The following PCDH15 variants were observed in gnomAD, a reference collection of about 807,000 sequenced individuals.
PCDH15 encodes the protein protocadherin-15.
A neutral mutation model predicts 178.5 loss-of-function variants in PCDH15; 129 were observed. The observed-to-expected ratio is 0.72, with a 90% CI of 0.63 to 0.84. PCDH15 has a LOEUF of 0.84. PCDH15 is among the 40% of genes least tolerant of loss of function. PCDH15 has a pLI of 0.00. For missense variants in PCDH15, 2,230 were observed against 2,099.9 expected (o/e 1.06, Z -1.21); for synonymous variants, 800 against 732.0 (o/e 1.09, Z -1.50).
chr10:55,541,065 T>C (rs1395658985), intron 2 of PCDH15, among the ~76,000 whole-genome samples: 1 of 152,074 alleles, frequency 6.6e-6, no homozygotes, highest in African/African-American at 2.4e-5. Flanking sequence ...TTGCAGAGAA[T>C]GGGTGCCTGA....
intron 3 of PCDH15, among the ~76,000 whole-genome samples, chr10:54,822,977 A>T (rs896618156): frequency 6.6e-6 from 1 of 151,856 alleles, no homozygotes; most frequent in Admixed American, 6.6e-5. Context: ...TGCCTCCAGG[A>T]TTCAAGAAAT....
At chr10:54,362,904 C>A (rs1190424882) in intron 5 of PCDH15, among the ~76,000 whole-genome samples, 1 of 151,920 alleles carries the variant, frequency 6.6e-6, no homozygotes, top group Non-Finnish European at 1.5e-5. Context: ...TGTCATTATT[C>A]TTGTTTTAAT....
intron 2 of PCDH15, among the ~76,000 whole-genome samples, chr10:55,459,254 A>G (rs1361549352): frequency 8.0e-5 from 11 of 137,314 alleles, no homozygotes; most frequent in Middle Eastern, 3.5e-3. Context: ...AGAAGGAAAG[A>G]AAAAAATAAA....
At chr10:54,580,077 C>G (rs572919751) in intron 2 of PCDH15, among the ~76,000 whole-genome samples, 1 of 151,942 alleles carries the variant, frequency 6.6e-6, no homozygotes, top group African/African-American at 2.4e-5. Context: ...GGAAAAGGAA[C>G]AATCTAAACC....
intron 5 of PCDH15, among the ~76,000 whole-genome samples, chr10:54,357,074 G>T (rs999183349): frequency 6.6e-6 from 1 of 152,032 alleles, no homozygotes; most frequent in African/African-American, 2.4e-5. Context: ...GGCAAAAACT[G>T]GAAGCATTCC....
At chr10:54,967,056 A>C (rs1838810836) in intron 2 of PCDH15, among the ~76,000 whole-genome samples, 1 of 152,260 alleles carries the variant, frequency 6.6e-6, no homozygotes, top group East Asian at 1.9e-4. Flanking sequence ...TGAGTCTGTG[A>C]GTGATGAGTG....
intron 32 of PCDH15, chr10:53,823,696 A>G (rs1222366065): frequency 2.2e-6 from 1 of 462,556 alleles, no homozygotes; most frequent in African/African-American, 2.4e-5. Context: ...TCCCTTATGC[A>G]CAAATCACAG....
In PCDH15 at chr10:55,488,836, C is replaced by G. The variant is rs995141084; in HGVS notation, c.-156+138789G>C. On this transcript the variant is annotated intron_variant, in intron 2 of 5. Transcript: ENST00000613346. ...CCTCATACTGGTGAGCATTTACAGC[C>G]TAAAAAGTTTGTTTTTAAGCTAAAA... Among the ~76,000 whole-genome samples, 3 of 151,320 alleles carry G rather than the reference C, an allele frequency of 2.0e-5. No individual in the cohort carries two copies. In the Admixed American group the frequency reaches 2.0e-4, roughly 10 times the overall value.
Position 55,332,956 on chromosome 10 carries a change from A to G in PCDH15, c.-155-166305T>C, listed in dbSNP as rs34991791. On this transcript the variant is annotated intron_variant, in intron 2 of 5. Transcript: ENST00000613346. The stretch of plus-strand genomic sequence containing the variant: ...ACTAATACACCTGCTTTTCCTTTAT[A>G]AGATGTGCAAGAGACAGACTTGCCA... Among the ~76,000 whole-genome samples the G allele has an allele frequency of 2.7e-3, 407 of 152,252 alleles. 9 individuals carry two copies. The East Asian group carries it at 0.045, about 17-fold the overall frequency.
At chr10:54,949,875 A>G (rs1332673943) in intron 2 of PCDH15, among the ~76,000 whole-genome samples, 1 of 151,914 alleles carries the variant, frequency 6.6e-6, no homozygotes, top group African/African-American at 2.4e-5. Context: ...CCTCATCTCT[A>G]TATGAGACCA....
chr10:54,525,583 C>A (rs1343420680), intron 3 of PCDH15, among the ~76,000 whole-genome samples: 1 of 152,144 alleles, frequency 6.6e-6, no homozygotes, highest in African/African-American at 2.4e-5. Context: ...CTCAGCCTCC[C>A]AAGTAGCTGG....
At chr10:54,188,789 A>T (rs1446304684) in intron 11 of PCDH15, among the ~76,000 whole-genome samples, 1 of 151,964 alleles carries the variant, frequency 6.6e-6, no homozygotes, top group East Asian at 1.9e-4. Flanking sequence ...AGGATATCAC[A>T]AACACACAAG....
At chr10:54,114,211 C>A (rs1397560405) in intron 15 of PCDH15, among the ~76,000 whole-genome samples, 1 of 152,204 alleles carries the variant, frequency 6.6e-6, no homozygotes, top group African/African-American at 2.4e-5. Context: ...ACTTGGGTTT[C>A]TTTTTATTTT....
chr10:55,627,270 A>G (rs113189355), intron 2 of PCDH15, among the ~76,000 whole-genome samples: 4 of 152,114 alleles, frequency 2.6e-5, no homozygotes, highest in African/African-American at 9.7e-5. Context: ...CTGCAGTTGT[A>G]TATGACACTG....
In PCDH15 at chr10:54,153,248, A is replaced by C; in HGVS notation, c.1636T>G (p.Tyr546Asp). 1 of 1,613,838 alleles carries C rather than the reference A, an allele frequency of 6.2e-7. No homozygotes were observed. Among genetic ancestry groups the C allele is most frequent in the South Asian group, 1.1e-5 (1 of 91,086 alleles). The change falls in exon 14 of 38, where the codon TAT becomes GAT. Residue 546 changes from tyrosine (Y) to aspartate (D), a missense_variant. Transcript: ENST00000644397. ...CCCTGAGCCCCAACAAGGATTTCATATGTGATCTCCCCATTTGACCCTTCG... is the reference window on the plus strand; with the variant it reads ...CCCTGAGCCCCAACAAGGATTTCATCTGTGATCTCCCCATTTGACCCTTCG... ...ADEGSNGEIT[Y>D]EILVGAQGDF...
chr10:54,147,640 G>C (rs1250346567), intron 14 of PCDH15, among the ~76,000 whole-genome samples: 2 of 151,678 alleles, frequency 1.3e-5, no homozygotes, highest in Admixed American at 6.6e-5. Flanking sequence ...TGAAAAATAT[G>C]TATATATAAT....
chr10:54,029,484 G>T (rs1243024498), intron 18 of PCDH15, among the ~76,000 whole-genome samples: 1 of 152,096 alleles, frequency 6.6e-6, no homozygotes, highest in Admixed American at 6.6e-5. Flanking sequence ...CTACTAATTT[G>T]TGAATGCATA....
At chr10:53,822,869 T>C (rs1254882730) in intron 32 of PCDH15, 1 of 1,614,002 alleles carries the variant, frequency 6.2e-7, no homozygotes, top group East Asian at 2.2e-5. Flanking sequence ...TGCTGCTACC[T>C]CTTTTGTTTG....
chr10:54,378,784 C>A lies in PCDH15; in HGVS notation c.316G>T (p.Asp106Tyr). ...GGCAAAGAAAAAAAATCACTAACAT[C>A]TCTATCCAGAACTCTTCCGGTGCTG... ...LNSTGRVLDR[D>Y]PPMNIHSIVV... The change falls in exon 4 of 38, where the codon GAT becomes TAT. Residue 106 changes from aspartate to tyrosine, a missense_variant and splice_region_variant. By Grantham distance (160) the Asp-to-Tyr change is radical. Coordinates refer to ENST00000644397, the MANE Select transcript of PCDH15 (RefSeq NM_001384140.1). 1 of 1,613,632 alleles carries A rather than the reference C, an allele frequency of 6.2e-7. No individual in the cohort carries two copies. Among genetic ancestry groups the A allele is most frequent in the Non-Finnish European group, 8.5e-7 (1 of 1,179,762 alleles).
Sources: gnomAD v4.1 joint callset for allele counts (sites outside exome capture counted in the v4.1 genomes callset) on GRCh38, gnomAD v4.1.1 for gene constraint, MANE v1.5 for transcripts, NCBI Gene and HGNC (gene_info 2026-07-23, HGNC 2026-07-21) for gene names.